The following GALK2 variants were observed in gnomAD, a reference collection of about 807,000 sequenced individuals.
GALK2 encodes galactokinase 2, also known as N-acetylgalactosamine kinase.
GALK2 carries 36 observed loss-of-function variants against 52.4 expected under a neutral mutation model. The observed-to-expected ratio is 0.69, with a 90% CI of 0.53 to 0.91. GALK2 has a LOEUF of 0.91. Ranked by LOEUF, GALK2 falls within the 40% of genes least tolerant of loss-of-function variation. GALK2 has a pLI of 0.00. For synonymous variants in GALK2, 176 were observed against 199.1 expected, an observed-to-expected ratio of 0.88 and a Z score of 0.98; for missense variants, 579 against 559.1, an observed-to-expected ratio of 1.04 and a Z score of -0.36.
At chr15:49,218,586 G>A (rs2089562624) in intron 3 of GALK2, among the ~76,000 whole-genome samples, 1 of 152,106 alleles carries the variant, frequency 6.6e-6, no homozygotes, top group African/African-American at 2.4e-5. Flanking sequence ...GAGGCAGGAG[G>A]CTTGATTCTA....
At chr15:49,345,492 T>C (rs1375370824) in intron 3 of GALK2, among the ~76,000 whole-genome samples, 1 of 152,240 alleles carries the variant, frequency 6.6e-6, no homozygotes, top group Non-Finnish European at 1.5e-5. Context: ...TAGACACTTA[T>C]AACTATAAAT....
Position 49,349,922 on chromosome 15 carries a change from A to G in GALK2, c.427-17569A>G, listed in dbSNP as rs924123647. On this transcript the variant is annotated intron_variant, in intron 3 of 3. Coordinates refer to the GALK2 transcript ENST00000558399. The stretch of plus-strand genomic sequence containing the variant: ...TGAAAGGGGAAAAAAAATCCAACCA[A>G]AACAAAATGAGAGGGAGAATTTAAG... Among the ~76,000 whole-genome samples the G allele has an allele frequency of 3.3e-5, 5 of 152,248 alleles. No homozygotes were observed. In the East Asian group the frequency reaches 9.6e-4, roughly 29 times the overall value.
chr15:49,328,082 G>A lies in GALK2; in HGVS notation c.1300G>A (p.Gly434Arg). The change falls in exon 10 of 10, where the codon GGA becomes AGA. Residue 434 changes from glycine (G) to arginine (R), a missense_variant. Physicochemically the swap from Gly to Arg is moderately radical, Grantham distance 125. Coordinates refer to ENST00000560031, the MANE Select transcript of GALK2 (RefSeq NM_002044.4). ...VHKAYYQRSD[G>R]SLAPEKQSLF... ...CAAAGCTTATTACCAGAGGAGTGAT[G>A]GAAGCTTAGCACCGGAGAAGCAAAG... 6.2e-7 allele frequency: 1 copy of A among 1,614,020 alleles called. No individual in the cohort carries two copies. Among genetic ancestry groups the A allele is most frequent in the South Asian group, 1.1e-5 (1 of 91,072 alleles).
intron 9 of GALK2, among the ~76,000 whole-genome samples, chr15:49,322,743 G>T (rs575062216): frequency 6.6e-6 from 1 of 152,062 alleles, no homozygotes; most frequent in Admixed American, 6.6e-5. Context: ...AGATCATGAG[G>T]TCAGGAGATC....
At chr15:49,334,663 A>G (rs947910334), downstream of GALK2, among the ~76,000 whole-genome samples, 1 of 152,140 alleles carries the variant, frequency 6.6e-6, no homozygotes. Context: ...GACCCTTGGA[A>G]AGCAGGGGCG....
rs375695767 is a variant in GALK2 at position 49,260,936 on chromosome 15, C to T, written c.505-21051C>T. On this transcript the variant is annotated intron_variant, in intron 5 of 9. Transcript: ENST00000560031. The stretch of plus-strand genomic sequence containing the variant: ...GTTCCATTGATCTATATCTCTGTTT[C>T]GGTACCAGTACCATGCTGTTTTGGT... Among the ~76,000 whole-genome samples, 830 of 151,836 alleles carry T rather than the reference C, an allele frequency of 5.5e-3. 10 individuals carry two copies. Among genetic ancestry groups the T allele is most frequent in the Admixed American group, 8.1e-3 (123 of 15,242 alleles).
At chr15:49,317,387 GTTAT>G (rs1428264022) in intron 8 of GALK2, among the ~76,000 whole-genome samples, 1 of 112,922 alleles carries the variant, frequency 8.9e-6, no homozygotes, top group Non-Finnish European at 2.2e-5. Context: ...TAGAAAGGCG[GTTAT>G]TAAAAAGTCA....
chr15:49,199,595 A>G (rs2087553065), intron 1 of GALK2, among the ~76,000 whole-genome samples: 1 of 152,184 alleles, frequency 6.6e-6, no homozygotes, highest in African/African-American at 2.4e-5. Flanking sequence ...CCCTTTGGCC[A>G]CAGATGAATT....
At position 49,328,612 on chromosome 15, in the gene GALK2, G is replaced by A. The variant is rs927481555; in HGVS notation, c.*453G>A. The A allele has an allele frequency of 1.0e-5, 16 of 1,590,824 alleles. No individual in the cohort carries two copies. Among genetic ancestry groups the A allele is most frequent in the Non-Finnish European group, 1.4e-5 (16 of 1,165,224 alleles). ...AAGTTGTAGTTGTCTGTTGATGATGGTGATGATGATGATGATGACGATAGT... is the reference window on the plus strand; with the variant it reads ...AAGTTGTAGTTGTCTGTTGATGATGATGATGATGATGATGATGACGATAGT... On this transcript the variant is annotated 3_prime_UTR_variant, in exon 10 of 10. Coordinates refer to ENST00000560031, the MANE Select transcript of GALK2 (RefSeq NM_002044.4).
chr15:49,243,935 C>A (rs2091220477), intron 5 of GALK2, among the ~76,000 whole-genome samples: 1 of 151,398 alleles, frequency 6.6e-6, no homozygotes, highest in South Asian at 2.1e-4. Context: ...CCAGCCTGGG[C>A]AACACAGTGA....
At chr15:49,320,370 A>T (rs1366127443) in intron 9 of GALK2, among the ~76,000 whole-genome samples, 1 of 152,202 alleles carries the variant, frequency 6.6e-6, no homozygotes, top group Non-Finnish European at 1.5e-5. Flanking sequence ...CAGGTGATAC[A>T]TGGTTAATAG....
intron 5 of GALK2, among the ~76,000 whole-genome samples, chr15:49,262,918 A>G (rs1215475087): frequency 7.0e-6 from 1 of 143,644 alleles, no homozygotes; most frequent in African/African-American, 2.7e-5. Flanking sequence ...GTTTGATTGC[A>G]CTGTGGTCTG....
chr15:49,266,666 A>C (rs1000087799), intron 5 of GALK2, among the ~76,000 whole-genome samples: 1 of 152,028 alleles, frequency 6.6e-6, no homozygotes, highest in African/African-American at 2.4e-5. Flanking sequence ...TGAAGAAGGA[A>C]CTCTAGAAGG....
intron 8 of GALK2, among the ~76,000 whole-genome samples, chr15:49,295,326 T>TCTCA (rs2034366769): frequency 6.9e-6 from 1 of 145,386 alleles, no homozygotes; most frequent in Admixed American, 6.7e-5. Context: ...TCTCTCTCTC[T>TCTCA]CTCTATCTAT....
At chr15:49,170,507 A>G (rs909626126) in intron 1 of GALK2, 132 bp downstream of exon 1, 2 of 831,636 alleles carry the variant, frequency 2.4e-6, no homozygotes, top group East Asian at 2.7e-5. Context: ...TTGGGATTCT[A>G]TAAGGACACG....
At chr15:49,299,741 TTCTTTC>T (rs1291684751) in intron 8 of GALK2, among the ~76,000 whole-genome samples, 2 of 108,432 alleles carry the variant, frequency 1.8e-5, no homozygotes. Context: ...TTTCTTTTCT[TTCTTTC>T]TTTCTTTCTT....
At chr15:49,193,022 G>T (rs1201725867) in intron 1 of GALK2, among the ~76,000 whole-genome samples, 1 of 137,088 alleles carries the variant, frequency 7.3e-6, no homozygotes. Context: ...TTTTTTGATG[G>T]AATCTCGCTC....
chr15:49,243,114 G>A (rs1056196283), intron 5 of GALK2, among the ~76,000 whole-genome samples: 1 of 152,148 alleles, frequency 6.6e-6, no homozygotes, highest in Non-Finnish European at 1.5e-5. Flanking sequence ...TAGGAAGAAA[G>A]CAGGGTAATA....
intron 1 of GALK2, among the ~76,000 whole-genome samples, chr15:49,195,690 T>C (rs1404027697): frequency 6.6e-6 from 1 of 152,182 alleles, no homozygotes; most frequent in African/African-American, 2.4e-5. Context: ...GCAGGTTGCC[T>C]AAGCTGGTCC....
Sources: gnomAD v4.1 joint callset for allele counts (sites outside exome capture counted in the v4.1 genomes callset) on GRCh38, gnomAD v4.1.1 for gene constraint, MANE v1.5 for transcripts, NCBI Gene and HGNC (gene_info 2026-07-23, HGNC 2026-07-21) for gene names.